The following MAGI2 variants were observed in gnomAD, a reference collection of about 807,000 sequenced individuals.
MAGI2 encodes membrane associated guanylate kinase, WW and PDZ domain containing 2.
In MAGI2, 35 loss-of-function variants were observed where a neutral mutation model predicts 133.3. The observed-to-expected ratio is 0.26, with a 90% CI of 0.20 to 0.35. The LOEUF (loss-of-function observed/expected upper bound fraction) is 0.35, where lower values mean the gene tolerates loss of function less well. Ranked by LOEUF, MAGI2 falls within the 10% of genes least tolerant of loss-of-function variation. The pLI is 1.00. For missense variants in MAGI2, 1,636 were observed against 1,863.4 expected, an observed-to-expected ratio of 0.88 and a Z score of 2.25; for synonymous variants, 729 against 710.6, an observed-to-expected ratio of 1.03 and a Z score of -0.41.
intron 2 of MAGI2, among the ~76,000 whole-genome samples, chr7:78,733,402 G>T (rs1191940812): frequency 6.6e-6 from 1 of 152,148 alleles, no homozygotes; most frequent in Non-Finnish European, 1.5e-5. Flanking sequence ...GTGAACAAGA[G>T]ATGTATGTTG....
intron 3 of MAGI2, among the ~76,000 whole-genome samples, chr7:78,552,913 A>T (rs1799473772): frequency 6.6e-6 from 1 of 151,568 alleles, no homozygotes; most frequent in Admixed American, 6.6e-5. Context: ...AGGTGGTAGA[A>T]CGAGAACAAA....
In MAGI2 at chr7:79,451,303, A is replaced by C. The variant is rs577965090; in HGVS notation, c.301+1717T>G. ...ATGACAAATATCAAGCATTTGGCCAACAAAACCATGGTCATTAGTTGTGTA... is the reference window on the plus strand; with the variant it reads ...ATGACAAATATCAAGCATTTGGCCACCAAAACCATGGTCATTAGTTGTGTA... On this transcript the variant is annotated intron_variant, in intron 1 of 21. Coordinates refer to ENST00000354212, the MANE Select transcript of MAGI2 (RefSeq NM_012301.4). 2.7e-3 allele frequency among the ~76,000 whole-genome samples: 411 copies of C among 152,336 alleles called. 3 individuals carry two copies. Among genetic ancestry groups the C allele is most frequent in the Non-Finnish European group, 4.7e-3 (323 of 68,016 alleles).
chr7:79,045,574 C>A (rs775861543), intron 1 of MAGI2, among the ~76,000 whole-genome samples: 1 of 152,072 alleles, frequency 6.6e-6, no homozygotes, highest in Non-Finnish European at 1.5e-5. Context: ...AGGCGGATCA[C>A]GAGGTCAGGA....
At chr7:78,205,140 T>C (rs1829614541) in intron 10 of MAGI2, among the ~76,000 whole-genome samples, 2 of 152,180 alleles carry the variant, frequency 1.3e-5, no homozygotes, top group African/African-American at 4.8e-5. Flanking sequence ...CACGATTTAT[T>C]TTTTTCTTGA....
rs532034879 is a variant in MAGI2 at position 78,770,411 on chromosome 7, C to A, written c.419-143172G>T. On this transcript the variant is annotated intron_variant, in intron 2 of 21. Coordinates refer to ENST00000354212, the MANE Select transcript of MAGI2 (RefSeq NM_012301.4). ...AACTTATTATATTTGAAGTCAATTA[C>A]GTGGGAAATAAAGATAAGGCAAATG... Among the ~76,000 whole-genome samples, 5 of 152,266 alleles carry A rather than the reference C, an allele frequency of 3.3e-5. No homozygotes were observed. In the South Asian group the frequency reaches 1.0e-3, roughly 32 times the overall value.
At chr7:78,560,070 T>C (rs1022108400) in intron 3 of MAGI2, among the ~76,000 whole-genome samples, 18 of 152,160 alleles carry the variant, frequency 1.2e-4, no homozygotes, top group African/African-American at 4.3e-4. Context: ...ATATTACATG[T>C]TCCATGCCCA....
intron 2 of MAGI2, among the ~76,000 whole-genome samples, chr7:78,659,128 T>C (rs1263869689): frequency 2.0e-5 from 3 of 151,890 alleles, no homozygotes; most frequent in Non-Finnish European, 2.9e-5. Flanking sequence ...AAATACTAAT[T>C]AGCAATGAAA....
chr7:79,057,629 A>G (rs1813272004), intron 1 of MAGI2, among the ~76,000 whole-genome samples: 1 of 152,126 alleles, frequency 6.6e-6, no homozygotes, highest in South Asian at 2.1e-4. Flanking sequence ...TTTAACTTTT[A>G]TTCATTATCT....
intron 8 of MAGI2, among the ~76,000 whole-genome samples, chr7:78,344,659 T>TA (rs1388303589): frequency 1.3e-5 from 2 of 152,236 alleles, no homozygotes; most frequent in Non-Finnish European, 2.9e-5. Context: ...TAGTATACTC[T>TA]AAAATGTGAG....
intron 21 of MAGI2, chr7:78,065,762 G>A (rs904371165): frequency 1.5e-5 from 7 of 473,988 alleles, no homozygotes; most frequent in African/African-American, 1.4e-4. Context: ...TGCTTAGTAT[G>A]TTTAGAGCAG....
intron 6 of MAGI2, among the ~76,000 whole-genome samples, chr7:78,455,693 C>T (rs958264601): frequency 2.0e-5 from 3 of 152,122 alleles, no homozygotes; most frequent in Admixed American, 6.6e-5. Flanking sequence ...AATATAGTCG[C>T]TATACCAACA....
chr7:78,810,531 TG>T (rs1263947447), intron 2 of MAGI2, among the ~76,000 whole-genome samples: 4 of 152,148 alleles, frequency 2.6e-5, no homozygotes, highest in Admixed American at 2.0e-4. Context: ...ATTAGTGCAT[TG>T]GTAGGAAATA....
At chr7:78,611,436 G>T (rs1806427171) in intron 3 of MAGI2, among the ~76,000 whole-genome samples, 1 of 152,228 alleles carries the variant, frequency 6.6e-6, no homozygotes. Flanking sequence ...TCCAAGACTG[G>T]CATTTGAACT....
chr7:78,106,263 G>A (rs1246130585), intron 20 of MAGI2, among the ~76,000 whole-genome samples: 1 of 151,848 alleles, frequency 6.6e-6, no homozygotes, highest in Non-Finnish European at 1.5e-5. Flanking sequence ...ATCCATTGAC[G>A]GACACTTAAG....
At chr7:78,241,737 A>G (rs1437539941) in intron 10 of MAGI2, among the ~76,000 whole-genome samples, 2 of 152,068 alleles carry the variant, frequency 1.3e-5, no homozygotes, top group Admixed American at 1.3e-4. Flanking sequence ...GTTCGAGACC[A>G]GCCTGGCCAA....
intron 3 of MAGI2, among the ~76,000 whole-genome samples, chr7:78,624,206 G>C (rs996556920): frequency 4.0e-5 from 6 of 151,798 alleles, no homozygotes; most frequent in Non-Finnish European, 8.8e-5. Context: ...GTTCCTTGTA[G>C]ACTCAATATT....
intron 6 of MAGI2, among the ~76,000 whole-genome samples, chr7:78,412,379 C>T (rs1797948130): frequency 6.6e-6 from 1 of 151,954 alleles, no homozygotes; most frequent in Non-Finnish European, 1.5e-5. Flanking sequence ...GATCACGGTG[C>T]TTGAGGAATT....
chr7:79,032,257 C>T (rs572746625), intron 1 of MAGI2, among the ~76,000 whole-genome samples: 1 of 152,246 alleles, frequency 6.6e-6, no homozygotes, highest in South Asian at 2.1e-4. Context: ...TGGTTCACGC[C>T]TGTAATCCCA....
intron 2 of MAGI2, among the ~76,000 whole-genome samples, chr7:78,742,574 G>A (rs1433593469): frequency 6.6e-6 from 1 of 152,086 alleles, no homozygotes; most frequent in African/African-American, 2.4e-5. Flanking sequence ...AAGATCCCAT[G>A]CCATCTTTGT....
Sources: gnomAD v4.1 joint callset for allele counts (sites outside exome capture counted in the v4.1 genomes callset) on GRCh38, gnomAD v4.1.1 for gene constraint, MANE v1.5 for transcripts, NCBI Gene and HGNC (gene_info 2026-07-23, HGNC 2026-07-21) for gene names.